Variants in MAN1A2 observed in about 807,000 individuals in gnomAD.
MAN1A2 encodes mannosyl-oligosaccharide 1,2-alpha-mannosidase IB.
A neutral mutation model predicts 75.7 loss-of-function variants in MAN1A2; 26 were observed. The observed-to-expected ratio is 0.34, with a 90% CI of 0.25 to 0.48. MAN1A2 has a LOEUF of 0.48. Among genes scored for constraint, MAN1A2 ranks in the 20% least tolerant of loss-of-function variants. The probability of loss-of-function intolerance (pLI) is 0.99; values close to 1 mark genes in which losing one functional copy is unlikely to be tolerated. For synonymous variants in MAN1A2, 247 were observed against 264.6 expected (o/e 0.93, Z 0.65); for missense variants, 562 against 775.5 (o/e 0.72, Z 3.27).
At chr1:117,447,762 T>G (rs750298158) in intron 6 of MAN1A2, among the ~76,000 whole-genome samples, 30 of 152,168 alleles carry the variant, frequency 2.0e-4, no homozygotes, top group Non-Finnish European at 3.8e-4. Flanking sequence ...AAATCAGTCC[T>G]TAAGGTATTT....
chr1:117,439,273 G>A (rs1053508022), intron 5 of MAN1A2, among the ~76,000 whole-genome samples: 1 of 152,064 alleles, frequency 6.6e-6, no homozygotes, highest in African/African-American at 2.4e-5. Flanking sequence ...TAAGGACTGT[G>A]GCTTTTGCTC....
At position 117,526,868 on chromosome 1, in the gene MAN1A2, CTCTCTCTCTCTCTATATA is replaced by C. The variant is rs1314531438; in HGVS notation, c.*3913_*3930del. 1.1e-4 allele frequency: 10 copies of C among 94,266 alleles called. No homozygotes were observed. Among genetic ancestry groups the C allele is most frequent in the Non-Finnish European group, 1.3e-4 (6 of 45,514 alleles). 5.8% of individuals were successfully genotyped at this position (94,266 alleles called of 1,614,324 possible). On this transcript the variant is annotated 3_prime_UTR_variant, in exon 13 of 13. Coordinates refer to ENST00000356554, the MANE Select transcript of MAN1A2 (RefSeq NM_006699.5). ...TCTCTCTCTCTCTCTCTCTCTCTCT[CTCTCTCTCTCTCTATATA>C]TATATATATATATATATATATATGA... is the stretch of plus-strand genomic sequence containing the variant.
At chr1:117,369,407 A>G (rs1041168552) in intron 1 of MAN1A2, among the ~76,000 whole-genome samples, 5 of 152,182 alleles carry the variant, frequency 3.3e-5, no homozygotes, top group African/African-American at 1.2e-4. Context: ...TCTTAAAATA[A>G]TTCTTGAGTA....
chr1:117,424,023 A>G (rs1648287915), intron 5 of MAN1A2, among the ~76,000 whole-genome samples: 2 of 151,460 alleles, frequency 1.3e-5, no homozygotes, highest in Admixed American at 1.3e-4. Flanking sequence ...TGATTTTTAT[A>G]TTGACTTTTT....
chr1:117,483,601 C>G (rs1272228619), intron 8 of MAN1A2, among the ~76,000 whole-genome samples: 1 of 152,090 alleles, frequency 6.6e-6, no homozygotes, highest in African/African-American at 2.4e-5. Flanking sequence ...TATCCTGAGA[C>G]TTTGCTGAAG....
chr1:117,378,062 A>G (rs1653213625), intron 1 of MAN1A2, among the ~76,000 whole-genome samples: 1 of 152,204 alleles, frequency 6.6e-6, no homozygotes, highest in South Asian at 2.1e-4. Flanking sequence ...AGATCGCGCC[A>G]CCGTACTCCA....
chr1:117,439,509 T>C (rs931590924), intron 5 of MAN1A2, among the ~76,000 whole-genome samples: 1 of 152,084 alleles, frequency 6.6e-6, no homozygotes, highest in African/African-American at 2.4e-5. Context: ...TTTTTTTTTT[T>C]TGGAGACAGA....
intron 5 of MAN1A2, among the ~76,000 whole-genome samples, chr1:117,426,575 A>G (rs933692175): frequency 6.6e-6 from 1 of 152,182 alleles, no homozygotes; most frequent in Non-Finnish European, 1.5e-5. Flanking sequence ...GAACACTTAC[A>G]TTAGCTTACA....
chr1:117,466,487 C>A, intron 8 of MAN1A2, 60 bp downstream of exon 8: 1 of 1,137,904 alleles, frequency 8.8e-7, no homozygotes, highest in Non-Finnish European at 1.3e-6. Flanking sequence ...AAACTCTTTG[C>A]TTGATGTTGT....
chr1:117,413,446 G>A (rs1418229439), intron 3 of MAN1A2, among the ~76,000 whole-genome samples: 2 of 151,908 alleles, frequency 1.3e-5, no homozygotes, highest in Non-Finnish European at 1.5e-5. Context: ...AATGGAAAAT[G>A]TGAACTAAGT....
At chr1:117,469,570 G>T (rs1457340595) in intron 8 of MAN1A2, among the ~76,000 whole-genome samples, 1 of 152,054 alleles carries the variant, frequency 6.6e-6, no homozygotes, top group African/African-American at 2.4e-5. Context: ...TGTCTTTTAA[G>T]GGTCTATACA....
chr1:117,417,397 A>G (rs1353098564), intron 4 of MAN1A2, among the ~76,000 whole-genome samples: 3 of 151,270 alleles, frequency 2.0e-5, no homozygotes, highest in Non-Finnish European at 4.4e-5. Flanking sequence ...TGCTACCTAT[A>G]TTATGATCAT....
intron 12 of MAN1A2, chr1:117,515,001 T>G (rs1335251123): frequency 2.2e-6 from 1 of 462,356 alleles, no homozygotes; most frequent in Non-Finnish European, 4.4e-6. Flanking sequence ...CAGAGTTGTA[T>G]TTGAGAATTA....
At chr1:117,376,239 T>C (rs1653135565) in intron 1 of MAN1A2, among the ~76,000 whole-genome samples, 1 of 152,254 alleles carries the variant, frequency 6.6e-6, no homozygotes, top group Non-Finnish European at 1.5e-5. Context: ...ATATACGGTC[T>C]GGGTTATCTG....
At chr1:117,419,269 T>C (rs760612956) in intron 4 of MAN1A2, among the ~76,000 whole-genome samples, 2 of 152,076 alleles carry the variant, frequency 1.3e-5, no homozygotes, top group Non-Finnish European at 2.9e-5. Flanking sequence ...TATAGTGTGC[T>C]GAATAGAGGG....
intron 10 of MAN1A2, 83 bp downstream of exon 10, chr1:117,497,065 A>G (rs1651055263): frequency 3.6e-6 from 4 of 1,104,430 alleles, no homozygotes; most frequent in Non-Finnish European, 5.2e-6. Flanking sequence ...AGGAGAATAT[A>G]TAGGCACTTT....
chr1:117,380,093 G>T (rs913300719), intron 1 of MAN1A2, among the ~76,000 whole-genome samples: 1 of 151,982 alleles, frequency 6.6e-6, no homozygotes, highest in African/African-American at 2.4e-5. Flanking sequence ...GAAATGTTTT[G>T]TGTTTCCACC....
chr1:117,431,069 C>T (rs1415036616), intron 5 of MAN1A2, among the ~76,000 whole-genome samples: 6 of 140,136 alleles, frequency 4.3e-5, no homozygotes, highest in Non-Finnish European at 6.2e-5. Context: ...CGTGGCAGCG[C>T]GTGCCTGCAA....
intron 12 of MAN1A2, among the ~76,000 whole-genome samples, chr1:117,506,484 A>C (rs954785606): frequency 2.0e-5 from 3 of 151,620 alleles, no homozygotes; most frequent in Non-Finnish European, 4.4e-5. Context: ...TTCATGGATT[A>C]ATATTTATCT....
Sources: allele counts gnomAD v4.1 joint callset (sites outside exome capture counted in the v4.1 genomes callset), GRCh38; gene constraint gnomAD v4.1.1; transcripts MANE v1.5; gene names NCBI Gene and HGNC (gene_info 2026-07-23, HGNC 2026-07-21).